Variants in TMX3 observed in about 807,000 individuals in gnomAD.
TMX3 encodes the protein thioredoxin related transmembrane protein 3.
In TMX3, 40 loss-of-function variants were observed where a neutral mutation model predicts 64.4. The ratio of observed to expected loss-of-function variants is 0.62; its 90% CI spans 0.48 to 0.81. The LOEUF is 0.81. TMX3 is among the 30% of genes least tolerant of loss of function. The probability of loss-of-function intolerance (pLI) is 0.00; values close to 1 mark genes in which losing one functional copy is unlikely to be tolerated. For synonymous variants in TMX3, 189 were observed against 175.7 expected (o/e 1.08, Z -0.60); for missense variants, 497 against 534.5 (o/e 0.93, Z 0.69).
At chr18:68,695,354 A>G (rs764875143) in intron 8 of TMX3, among the ~76,000 whole-genome samples, 1 of 151,866 alleles carries the variant, frequency 6.6e-6, no homozygotes, top group Non-Finnish European at 1.5e-5. Flanking sequence ...GGGCCTACTC[A>G]TTTCCTTAAA....
chr18:68,693,535 C>T (rs1914741807), intron 8 of TMX3, among the ~76,000 whole-genome samples: 1 of 152,088 alleles, frequency 6.6e-6, no homozygotes, highest in South Asian at 2.1e-4. Context: ...GTGGCCGAGC[C>T]TGAGTGTTGT....
At chr18:68,692,681 C>T (rs929602010) in intron 8 of TMX3, among the ~76,000 whole-genome samples, 1 of 152,144 alleles carries the variant, frequency 6.6e-6, no homozygotes, top group African/African-American at 2.4e-5. Flanking sequence ...CCCTAGCAGA[C>T]TTTTCCAAAT....
At chr18:68,692,013 T>C (rs987485400) in intron 8 of TMX3, among the ~76,000 whole-genome samples, 8 of 151,742 alleles carry the variant, frequency 5.3e-5, no homozygotes, top group African/African-American at 1.7e-4. Context: ...GAGTAGATAA[T>C]GAAGTAAAAT....
rs1912752190 is a variant in TMX3, at chr18:68,674,276, T to C, written c.*2657A>G. Reference sequence around the variant, plus strand: ...CAGGTAATAGTAGCTGAGAAAAATATTGATGCACATAATGAAACAAAAAGA... The same window carrying C: ...CAGGTAATAGTAGCTGAGAAAAATACTGATGCACATAATGAAACAAAAAGA... On this transcript the variant is annotated 3_prime_UTR_variant, in exon 16 of 16. Coordinates refer to ENST00000299608, the MANE Select transcript of TMX3 (RefSeq NM_019022.5). 2.0e-5 allele frequency: 3 copies of C among 152,154 alleles called. No individual in the cohort carries two copies. The highest frequency in any genetic ancestry group is 1.3e-4 in the Admixed American group (2 of 15,268). The allele number at this position is 152,154 out of a possible 1,614,324, so 9.4% of individuals were successfully genotyped here.
At chr18:68,679,418 C>A in intron 15 of TMX3, 45 bp downstream of exon 15, 1 of 1,476,888 alleles carries the variant, frequency 6.8e-7, no homozygotes, top group Non-Finnish European at 9.3e-7. Flanking sequence ...ACATAAAGAA[C>A]CTATATCTTC....
At chr18:68,711,225 T>C in intron 3 of TMX3, 139 bp downstream of exon 3, 7 of 490,142 alleles carry the variant, frequency 1.4e-5, no homozygotes, top group Non-Finnish European at 2.5e-5. Context: ...AAATCTCAAA[T>C]ATAGTAATAC....
intron 10 of TMX3, 127 bp from the exon 11 acceptor site, chr18:68,684,612 T>C: frequency 6.9e-6 from 5 of 726,510 alleles, no homozygotes; most frequent in Non-Finnish European, 1.1e-5. Context: ...ACCCTACATG[T>C]TATATCAAAT....
intron 4 of TMX3, among the ~76,000 whole-genome samples, chr18:68,703,305 A>C (rs1357760081): frequency 6.6e-6 from 1 of 152,236 alleles, no homozygotes; most frequent in African/African-American, 2.4e-5. Flanking sequence ...TGGGGGACAA[A>C]GTTATATTCC....
At chr18:68,687,797 G>A in intron 9 of TMX3, 32 bp from the exon 10 acceptor site, 3 of 1,523,694 alleles carry the variant, frequency 2.0e-6, no homozygotes, top group East Asian at 2.3e-5. Context: ...ACAAATTACA[G>A]TATAAATATG....
chr18:68,696,903 C>T (rs1368276991), intron 8 of TMX3: 5 of 223,794 alleles, frequency 2.2e-5, no homozygotes, highest in Admixed American at 5.8e-5. Context: ...CACACACATA[C>T]GCACGCAAAA....
intron 15 of TMX3, 34 bp from the exon 16 acceptor site, chr18:68,677,227 A>C: frequency 1.9e-6 from 3 of 1,594,164 alleles, no homozygotes; most frequent in Non-Finnish European, 2.6e-6. Context: ...AGTTCCCTTC[A>C]CATGTAATTC....
intron 13 of TMX3, 40 bp downstream of exon 13, chr18:68,682,881 AAATT>A (rs769349290): frequency 1.3e-6 from 2 of 1,555,112 alleles, no homozygotes; most frequent in Non-Finnish European, 1.8e-6. Flanking sequence ...ACAAATTTAA[AAATT>A]AATAGATTTG....
Position 68,684,503 on chromosome 18 carries a change from A to G in TMX3, c.737-18T>C, listed in dbSNP as rs1190516307. 1 of 1,608,734 alleles carries G rather than the reference A, an allele frequency of 6.2e-7. No individual in the cohort carries two copies. Among genetic ancestry groups the G allele is most frequent in the South Asian group, 1.1e-5 (1 of 90,738 alleles). Reference sequence around the variant, plus strand: ...AAGCTTTCCTGAAATAAAGAATGACACATCTGAATTCAATCACCCTTATTA... The same window carrying G: ...AAGCTTTCCTGAAATAAAGAATGACGCATCTGAATTCAATCACCCTTATTA... On this transcript the variant is annotated intron_variant, in intron 10 of 15. Coordinates refer to ENST00000299608, the MANE Select transcript of TMX3 (RefSeq NM_019022.5).
In TMX3 at chr18:68,693,294, G is replaced by C. The variant is rs2145059837; in HGVS notation, c.571-1933C>G. 1.3e-5 allele frequency among the ~76,000 whole-genome samples: 2 copies of C among 152,290 alleles called. 1 individual carries two copies. Among genetic ancestry groups the C allele is most frequent in the Middle Eastern group, 6.8e-3 (2 of 294 alleles). On this transcript the variant is annotated intron_variant, in intron 8 of 15. Transcript: ENST00000299608. ...GCTCCGTGGAGCCAGCGGGGGCCGG[G>C]AACAAGCGGGAGAGTCCTACCTGCT...
At chr18:68,703,884 G>A (rs187938539) in intron 4 of TMX3, among the ~76,000 whole-genome samples, 8 of 152,126 alleles carry the variant, frequency 5.3e-5, no homozygotes, top group Admixed American at 5.2e-4. Flanking sequence ...GAGCTGAGAT[G>A]GAGCCACAGC....
intron 4 of TMX3, among the ~76,000 whole-genome samples, chr18:68,708,776 T>C (rs1047308147): frequency 6.6e-6 from 1 of 152,272 alleles, no homozygotes; most frequent in South Asian, 2.1e-4. Context: ...CTCTTAACAA[T>C]GTGGCATTAT....
chr18:68,707,797 ATC>A (rs1406364409), intron 4 of TMX3, among the ~76,000 whole-genome samples: 2 of 152,114 alleles, frequency 1.3e-5, no homozygotes, highest in Non-Finnish European at 1.5e-5. Context: ...TCTTTCTTTA[ATC>A]TCTAGAGATT....
rs567218377 is a variant in TMX3, at chr18:68,689,255, T to C, written c.638-1490A>G. Among the ~76,000 whole-genome samples, 6 of 152,280 alleles carry C rather than the reference T, an allele frequency of 3.9e-5. 1 individual carries two copies. In the South Asian group the frequency reaches 1.2e-3, roughly 32 times the overall value. The stretch of plus-strand genomic sequence containing the variant: ...ATACCTACAGAAACTTAACATATCA[T>C]ATTCCTGTCTTCCTTAAGCGTGGGA... On this transcript the variant is annotated intron_variant, in intron 9 of 15. Transcript: ENST00000299608.
At position 68,675,846 on chromosome 18, in the gene TMX3, A is replaced by T. The variant is rs1326079089; in HGVS notation, c.*1087T>A. 2.0e-5 allele frequency: 3 copies of T among 152,170 alleles called. No homozygotes were observed. The highest frequency in any genetic ancestry group is 7.2e-5 in the African/African-American group (3 of 41,450). The allele number at this position is 152,170 out of a possible 1,614,324, so 9.4% of individuals were successfully genotyped here. ...GGGTGACAGAACTAAGACAATGGAG[A>T]AGGTAACTGGCTGATCTCTTTTTTT... On this transcript the variant is annotated 3_prime_UTR_variant, in exon 16 of 16. Transcript: ENST00000299608.
Sources: gnomAD v4.1 joint callset for allele counts (sites outside exome capture counted in the v4.1 genomes callset) on GRCh38, gnomAD v4.1.1 for gene constraint, MANE v1.5 for transcripts, NCBI Gene and HGNC (gene_info 2026-07-23, HGNC 2026-07-21) for gene names.